Variants in PCCA observed in about 807,000 individuals in gnomAD.
PCCA encodes propionyl-CoA carboxylase subunit alpha.
In PCCA, 74 loss-of-function variants were observed where a neutral mutation model predicts 101.3. The ratio of observed to expected loss-of-function variants is 0.73; its 90% confidence interval spans 0.61 to 0.89. The LOEUF (loss-of-function observed/expected upper bound fraction) is 0.89, where lower values mean the gene tolerates loss of function less well. Ranked by LOEUF, PCCA falls within the 40% of genes least tolerant of loss-of-function variation. The pLI, the probability that PCCA is intolerant of heterozygous loss-of-function variation, is 0.00. For synonymous variants in PCCA, 294 were observed against 313.6 expected (o/e 0.94, Z 0.66); for missense variants, 891 against 907.0 (o/e 0.98, Z 0.23).
At chr13:100,371,713 AG>A (rs1206614408) in intron 19 of PCCA, among the ~76,000 whole-genome samples, 1 of 152,240 alleles carries the variant, frequency 6.6e-6, no homozygotes, top group African/African-American at 2.4e-5. Context: ...TGCAATTTCA[AG>A]GGGGTCCCAA....
At chr13:100,127,496 C>G (rs116800416) in intron 4 of PCCA, among the ~76,000 whole-genome samples, 2,983 of 152,146 alleles carry the variant, frequency 0.02, 94 homozygotes, top group African/African-American at 0.06. Context: ...GTAATTAGTA[C>G]CTGCTGTTAT....
At chr13:100,465,759 C>T (rs1182730750) in intron 21 of PCCA, among the ~76,000 whole-genome samples, 1 of 152,174 alleles carries the variant, frequency 6.6e-6, no homozygotes, top group African/African-American at 2.4e-5. Flanking sequence ...AATGGCTGCA[C>T]ACAGCTTGGT....
chr13:100,403,797 G>A (rs535472629), intron 19 of PCCA, among the ~76,000 whole-genome samples: 1 of 152,240 alleles, frequency 6.6e-6, no homozygotes, highest in Non-Finnish European at 1.5e-5. Context: ...CAGCTTGAAT[G>A]TTTGGTTCCA....
chr13:100,519,806 T>G (rs1279071008), intron 22 of PCCA, among the ~76,000 whole-genome samples: 1 of 152,278 alleles, frequency 6.6e-6, no homozygotes, highest in African/African-American at 2.4e-5. Flanking sequence ...AAGGCAGGGC[T>G]GGGCCCTCCC....
intron 4 of PCCA, among the ~76,000 whole-genome samples, chr13:100,148,289 T>C (rs1257601087): frequency 4.6e-5 from 7 of 152,074 alleles, no homozygotes; most frequent in African/African-American, 1.7e-4. Context: ...ACATTACCCT[T>C]CTCAAAGGCA....
chr13:100,522,937 C>T (rs2087426168), intron 22 of PCCA, among the ~76,000 whole-genome samples: 1 of 152,196 alleles, frequency 6.6e-6, no homozygotes, highest in Non-Finnish European at 1.5e-5. Context: ...TGAGCTACAC[C>T]ACCTTCTGAT....
chr13:100,176,938 T>C (rs2056295695), intron 6 of PCCA, among the ~76,000 whole-genome samples: 1 of 152,210 alleles, frequency 6.6e-6, no homozygotes, highest in Non-Finnish European at 1.5e-5. Flanking sequence ...AACTGTTGTT[T>C]TTGGATGCTT....
intron 20 of PCCA, among the ~76,000 whole-genome samples, chr13:100,434,592 A>C (rs1202064334): frequency 6.6e-6 from 1 of 152,056 alleles, no homozygotes; most frequent in Non-Finnish European, 1.5e-5. Flanking sequence ...AGAACACTTA[A>C]TGCCTCCTGT....
chr13:100,424,053 G>C (rs1005299175), intron 19 of PCCA, among the ~76,000 whole-genome samples: 16 of 152,338 alleles, frequency 1.1e-4, no homozygotes, highest in Admixed American at 3.3e-4. Context: ...ATTTGGGGGA[G>C]CGGGGAGGAA....
intron 21 of PCCA, among the ~76,000 whole-genome samples, chr13:100,456,984 C>T (rs1161871857): frequency 2.0e-5 from 3 of 152,082 alleles, no homozygotes; most frequent in Non-Finnish European, 4.4e-5. Flanking sequence ...GGTGTCTTCG[C>T]AGACACTGGC....
At chr13:100,210,480 T>G (rs1446144190) in intron 7 of PCCA, among the ~76,000 whole-genome samples, 1 of 152,236 alleles carries the variant, frequency 6.6e-6, no homozygotes, top group Non-Finnish European at 1.5e-5. Context: ...TATCTTTATC[T>G]TGAGCTTCTC....
intron 20 of PCCA, among the ~76,000 whole-genome samples, 189 bp from the exon 21 acceptor site, chr13:100,449,063 A>G (rs775242113): frequency 3.2e-4 from 49 of 152,224 alleles, no homozygotes; most frequent in Non-Finnish European, 6.8e-4. Flanking sequence ...TTGGTGACCA[A>G]CTTCTATTGT....
intron 1 of PCCA, among the ~76,000 whole-genome samples, chr13:100,099,601 G>A (rs922652090): frequency 6.6e-6 from 1 of 152,062 alleles, no homozygotes. Flanking sequence ...ACAGGCGTGA[G>A]CCACTGTGCC....
At chr13:100,170,486 A>G (rs903797211) in intron 6 of PCCA, among the ~76,000 whole-genome samples, 1 of 152,206 alleles carries the variant, frequency 6.6e-6, no homozygotes. Context: ...TAAGGATATT[A>G]CAATGTTCCT....
At position 100,273,255 on chromosome 13, in the gene PCCA, G is replaced by C; in HGVS notation, c.974G>C (p.Arg325Thr). ...GGAGAACAAGCTGTAGCTCTTGCCA[G>C]AGCAGTAAAATATTCCTCTGCTGGG... ...AMGEQAVALA[R>T]AVKYSSAGTV... is the part of the protein sequence containing the mutation. Residue 325 changes from arginine to threonine, a missense_variant, in exon 12 of 24, where the codon AGA (arginine) becomes ACA (threonine). Coordinates refer to ENST00000376285, the MANE Select transcript of PCCA (RefSeq NM_000282.4). 2 of 1,611,494 alleles carry C rather than the reference G, an allele frequency of 1.2e-6. No homozygotes were observed. Among genetic ancestry groups the C allele is most frequent in the Non-Finnish European group, 1.7e-6 (2 of 1,177,568 alleles).
At chr13:100,460,484 C>T (rs1266155675) in intron 21 of PCCA, among the ~76,000 whole-genome samples, 2 of 152,232 alleles carry the variant, frequency 1.3e-5, no homozygotes, top group African/African-American at 4.8e-5. Flanking sequence ...TTGGCATTCA[C>T]CCAAGGACTC....
chr13:100,245,867 G>A (rs1275815347), intron 8 of PCCA, among the ~76,000 whole-genome samples: 5 of 152,194 alleles, frequency 3.3e-5, no homozygotes, highest in Admixed American at 1.3e-4. Context: ...TCCCTTGGAG[G>A]TAGACTCTGG....
At chr13:100,484,986 A>G (rs1440483742) in intron 21 of PCCA, among the ~76,000 whole-genome samples, 1 of 152,072 alleles carries the variant, frequency 6.6e-6, no homozygotes, top group Non-Finnish European at 1.5e-5. Context: ...TAAATTTCAC[A>G]CTGGTTTTGT....
chr13:100,514,007 A>G (rs965821466), intron 21 of PCCA, among the ~76,000 whole-genome samples: 1 of 152,184 alleles, frequency 6.6e-6, no homozygotes, highest in Non-Finnish European at 1.5e-5. Context: ...ATTCACTGAT[A>G]AATAGTCCCT....
Sources: allele counts gnomAD v4.1 joint callset (sites outside exome capture counted in the v4.1 genomes callset), GRCh38; gene constraint gnomAD v4.1.1; transcripts MANE v1.5; gene names NCBI Gene and HGNC (gene_info 2026-07-23, HGNC 2026-07-21).